Variants in RAD51B observed in about 807,000 individuals in gnomAD.
RAD51B encodes the protein DNA repair protein RAD51 homolog 2.
A neutral mutation model predicts 42.2 loss-of-function variants in RAD51B; 38 were observed. That is an observed-to-expected ratio of 0.90 (90% confidence interval 0.70 to 1.18). RAD51B has a LOEUF of 1.18. Ranked by LOEUF, RAD51B falls within the 50% of genes most tolerant of loss-of-function variation. The pLI is 0.00. For synonymous variants in RAD51B, 154 were observed against 145.2 expected, an observed-to-expected ratio of 1.06 and a Z score of -0.43; for missense variants, 373 against 400.7, an observed-to-expected ratio of 0.93 and a Z score of 0.59.
At chr14:68,662,238 C>A (rs748643174) in intron 11 of RAD51B, among the ~76,000 whole-genome samples, 11 of 152,224 alleles carry the variant, frequency 7.2e-5, no homozygotes, top group Non-Finnish European at 1.3e-4. Flanking sequence ...TTACAGTCAA[C>A]ACACACCCCT....
At chr14:67,886,030 G>A in intron 6 of RAD51B, 42 bp downstream of exon 6, 3 of 1,418,770 alleles carry the variant, frequency 2.1e-6, no homozygotes, top group Non-Finnish European at 2.9e-6. Flanking sequence ...ATGCGTTGAA[G>A]GTTTATGTTT....
Position 68,623,944 on chromosome 14 carries a change from G to A in RAD51B, c.1037-26837G>A, listed in dbSNP as rs1892011610. Among the ~76,000 whole-genome samples the A allele has an allele frequency of 2.0e-5, 3 of 152,186 alleles. No individual in the cohort carries two copies. The South Asian group carries it at 6.2e-4, about 31-fold the overall frequency. On this transcript the variant is annotated intron_variant, in intron 10 of 11. Coordinates refer to the RAD51B transcript ENST00000488612. ...TTTGCAGTGAGTATAACCCCTCTGG[G>A]TTGGAAACACCAGGAGTCTGGAATG... is the stretch of plus-strand genomic sequence containing the variant.
rs1328460644 is a variant in RAD51B at position 67,911,945 on chromosome 14, A to G, written c.756+24741A>G. On this transcript the variant is annotated intron_variant, in intron 7 of 10. Coordinates refer to ENST00000471583, the MANE Select transcript of RAD51B (RefSeq NM_133510.4). ...CCAGATGTGTGTTTCAGTTACATGA[A>G]TAGAGAAAAGAATGTCATCCCCCTG... Among the ~76,000 whole-genome samples, 6 of 152,248 alleles carry G rather than the reference A, an allele frequency of 3.9e-5. No homozygotes were observed. In the East Asian group the frequency reaches 9.6e-4, roughly 24 times the overall value.
chr14:68,270,781 C>A (rs2081089571), intron 7 of RAD51B, among the ~76,000 whole-genome samples: 1 of 152,152 alleles, frequency 6.6e-6, no homozygotes. Flanking sequence ...CTTACCATTT[C>A]CATCTTTTAT....
At chr14:68,314,713 C>T (rs1026806399) in intron 8 of RAD51B, among the ~76,000 whole-genome samples, 1 of 152,106 alleles carries the variant, frequency 6.6e-6, no homozygotes, top group African/African-American at 2.4e-5. Context: ...CAGGATCATC[C>T]ACTGTGTCCA....
chr14:68,216,509 T>G (rs1034225547), intron 7 of RAD51B, among the ~76,000 whole-genome samples: 4 of 152,028 alleles, frequency 2.6e-5, no homozygotes, highest in Admixed American at 2.0e-4. Flanking sequence ...TGGAAAAGAG[T>G]GTAGCAAATC....
chr14:68,669,989 C>T (rs991504210), intron 11 of RAD51B, among the ~76,000 whole-genome samples: 1 of 152,084 alleles, frequency 6.6e-6, no homozygotes, highest in Admixed American at 6.5e-5. Flanking sequence ...ATTAATGGCA[C>T]GGAAGTCCCA....
chr14:68,673,601 A>G (rs1893220144), intron 11 of RAD51B, among the ~76,000 whole-genome samples: 1 of 121,640 alleles, frequency 8.2e-6, no homozygotes, highest in African/African-American at 3.8e-5. Context: ...ACATATGTAC[A>G]TGCACACACA....
chr14:67,888,047 T>G (rs948649670), intron 7 of RAD51B, among the ~76,000 whole-genome samples: 2 of 152,194 alleles, frequency 1.3e-5, no homozygotes, highest in Admixed American at 1.3e-4. Context: ...TTTGGAAAAT[T>G]AAAATCTTGG....
chr14:68,584,166 C>G (rs1890344279), intron 10 of RAD51B, among the ~76,000 whole-genome samples: 1 of 152,154 alleles, frequency 6.6e-6, no homozygotes, highest in African/African-American at 2.4e-5. Flanking sequence ...CAGTGAAGAG[C>G]TTGTTTTCCT....
At chr14:68,068,537 G>A (rs1477011276) in intron 7 of RAD51B, among the ~76,000 whole-genome samples, 2 of 152,134 alleles carry the variant, frequency 1.3e-5, no homozygotes, top group African/African-American at 4.8e-5. Context: ...AATTTGGGGT[G>A]TTTCAACTTT....
chr14:68,228,666 C>G (rs569664453), intron 7 of RAD51B, among the ~76,000 whole-genome samples: 2 of 152,194 alleles, frequency 1.3e-5, no homozygotes, highest in East Asian at 3.9e-4. Context: ...AGAATTCAGT[C>G]TGGTTAAAAA....
chr14:68,429,299 A>T (rs368168025), intron 9 of RAD51B, among the ~76,000 whole-genome samples: 2 of 152,112 alleles, frequency 1.3e-5, no homozygotes, highest in East Asian at 1.9e-4. Flanking sequence ...CAAATGGTAT[A>T]TCTAGTTCTA....
intron 7 of RAD51B, among the ~76,000 whole-genome samples, chr14:68,088,612 G>A (rs74246597): frequency 4.9e-4 from 73 of 149,052 alleles, no homozygotes; most frequent in Middle Eastern, 3.4e-3. Context: ...GTGTGTGCGC[G>A]TGTGTGTGAG....
chr14:68,175,254 TAAAG>T (rs1040149909), intron 7 of RAD51B, among the ~76,000 whole-genome samples: 1 of 152,184 alleles, frequency 6.6e-6, no homozygotes, highest in Non-Finnish European at 1.5e-5. Context: ...TTACTGGCCT[TAAAG>T]AAAGTTGGTA....
chr14:68,526,213 A>C (rs1361172391), intron 10 of RAD51B, among the ~76,000 whole-genome samples: 2 of 152,214 alleles, frequency 1.3e-5, no homozygotes, highest in Non-Finnish European at 2.9e-5. Flanking sequence ...ATGGGTCCCA[A>C]ATCTTGAGGC....
intron 7 of RAD51B, among the ~76,000 whole-genome samples, chr14:68,286,845 T>A (rs1183985636): frequency 3.9e-5 from 6 of 152,224 alleles, no homozygotes; most frequent in African/African-American, 1.4e-4. Flanking sequence ...ATTGGGCACA[T>A]AGACTGGCAG....
intron 8 of RAD51B, among the ~76,000 whole-genome samples, chr14:68,357,628 G>C (rs1248108675): frequency 3.9e-5 from 6 of 152,070 alleles, no homozygotes; most frequent in Non-Finnish European, 5.9e-5. Flanking sequence ...ATTACTCCTT[G>C]ATCCATGGGC....
At chr14:67,906,562 A>T (rs2043787593) in intron 7 of RAD51B, among the ~76,000 whole-genome samples, 1 of 151,966 alleles carries the variant, frequency 6.6e-6, no homozygotes, top group South Asian at 2.1e-4. Context: ...TTACTGATTC[A>T]ATTTCACAAT....
Sources: allele counts gnomAD v4.1 joint callset (sites outside exome capture counted in the v4.1 genomes callset), GRCh38; gene constraint gnomAD v4.1.1; transcripts MANE v1.5; gene names NCBI Gene and HGNC (gene_info 2026-07-23, HGNC 2026-07-21).